The following PTPRD variants were observed in gnomAD, a reference collection of about 807,000 sequenced individuals.
PTPRD encodes receptor-type tyrosine-protein phosphatase delta.
A neutral mutation model predicts 214.5 loss-of-function variants in PTPRD; 34 were observed. The ratio of observed to expected loss-of-function variants is 0.16; its 90% CI spans 0.12 to 0.21. PTPRD has a LOEUF of 0.21. Ranked by LOEUF, PTPRD falls within the 10% of genes least tolerant of loss-of-function variation. The pLI is 1.00. For missense variants in PTPRD, 2,545 were observed against 2,398.7 expected (o/e 1.06, Z -1.27); for synonymous variants, 1,128 against 845.7 (o/e 1.33, Z -5.79).
intron 10 of PTPRD, among the ~76,000 whole-genome samples, chr9:9,127,092 ACT>A (rs1291767274): frequency 6.6e-6 from 1 of 150,876 alleles, no homozygotes; most frequent in African/African-American, 2.4e-5. Context: ...TGCAAAGCAC[ACT>A]CACACACACA....
intron 14 of PTPRD, among the ~76,000 whole-genome samples, chr9:8,566,116 G>C (rs1190454495): frequency 6.6e-6 from 1 of 151,162 alleles, no homozygotes; most frequent in Admixed American, 6.6e-5. Flanking sequence ...GTGTGTGTGT[G>C]TGTGTGTGTG....
At chr9:9,903,790 C>G (rs894711766) in intron 5 of PTPRD, among the ~76,000 whole-genome samples, 1 of 152,046 alleles carries the variant, frequency 6.6e-6, no homozygotes, top group Admixed American at 6.6e-5. Flanking sequence ...AACTCTCTAG[C>G]TTTATCTAAT....
intron 44 of PTPRD, among the ~76,000 whole-genome samples, chr9:8,325,149 G>A (rs993215203): frequency 1.3e-5 from 2 of 149,830 alleles, no homozygotes; most frequent in African/African-American, 4.9e-5. Flanking sequence ...TGCTTTTGGT[G>A]TTTTAGTCCT....
At chr9:9,256,188 T>C (rs952400168) in intron 9 of PTPRD, among the ~76,000 whole-genome samples, 4 of 151,946 alleles carry the variant, frequency 2.6e-5, no homozygotes, top group African/African-American at 9.7e-5. Flanking sequence ...CAATTCCTTT[T>C]CTCCTTGGAC....
intron 11 of PTPRD, among the ~76,000 whole-genome samples, chr9:8,969,077 G>C (rs1037233384): frequency 6.6e-6 from 1 of 151,924 alleles, no homozygotes; most frequent in African/African-American, 2.4e-5. Flanking sequence ...ATAAACAAAA[G>C]GAACCACTCC....
chr9:10,136,202 T>G (rs962618897), intron 3 of PTPRD, among the ~76,000 whole-genome samples: 3 of 152,030 alleles, frequency 2.0e-5, no homozygotes, highest in Non-Finnish European at 2.9e-5. Flanking sequence ...TAAATACATA[T>G]GCAATGCAAC....
intron 3 of PTPRD, among the ~76,000 whole-genome samples, chr9:10,309,927 T>G (rs982958127): frequency 2.6e-5 from 4 of 152,086 alleles, no homozygotes; most frequent in African/African-American, 9.7e-5. Flanking sequence ...ATTCTGTCAC[T>G]TTTCTTTTGT....
intron 3 of PTPRD, among the ~76,000 whole-genome samples, chr9:10,301,757 A>T (rs897863484): frequency 3.9e-5 from 6 of 152,216 alleles, no homozygotes; most frequent in African/African-American, 1.4e-4. Context: ...GACTCCAGGA[A>T]ATATGGGACT....
At chr9:10,006,304 T>G (rs1429230568) in intron 4 of PTPRD, among the ~76,000 whole-genome samples, 1 of 152,074 alleles carries the variant, frequency 6.6e-6, no homozygotes, top group African/African-American at 2.4e-5. Context: ...GACTAGTCTG[T>G]GCAGCTCTAG....
At chr9:9,771,595 C>A (rs189664511) in intron 5 of PTPRD, among the ~76,000 whole-genome samples, 2 of 152,112 alleles carry the variant, frequency 1.3e-5, no homozygotes, top group East Asian at 1.9e-4. Context: ...AAATGTTAAG[C>A]CTTTAAAATA....
At chr9:9,918,158 G>A (rs186631380) in intron 5 of PTPRD, among the ~76,000 whole-genome samples, 1 of 151,908 alleles carries the variant, frequency 6.6e-6, no homozygotes, top group Non-Finnish European at 1.5e-5. Flanking sequence ...AAAATCTAGA[G>A]AGTCTACCAA....
chr9:10,408,730 C>G (rs1177770244), intron 2 of PTPRD, among the ~76,000 whole-genome samples: 1 of 151,696 alleles, frequency 6.6e-6, no homozygotes, highest in Non-Finnish European at 1.5e-5. Flanking sequence ...TGGGTTTAAT[C>G]CTTGACTCCC....
chr9:9,888,176 G>A (rs1183148620), intron 5 of PTPRD, among the ~76,000 whole-genome samples: 1 of 152,128 alleles, frequency 6.6e-6, no homozygotes, highest in Non-Finnish European at 1.5e-5. Context: ...AGCAAATGGT[G>A]GAAAGTGTGA....
At chr9:9,798,114 T>TGGG (rs569864454) in intron 5 of PTPRD, among the ~76,000 whole-genome samples, 48 of 152,234 alleles carry the variant, frequency 3.2e-4, no homozygotes, top group African/African-American at 1.1e-3. Flanking sequence ...CAAGTGATAT[T>TGGG]GGGGGCCCAA....
At chr9:8,713,612 C>T in intron 12 of PTPRD, 1 of 1,532,146 alleles carries the variant, frequency 6.5e-7, no homozygotes. Flanking sequence ...CGGGACCTGA[C>T]CACCGCGGGC....
At chr9:8,703,974 C>G (rs2098144070) in intron 12 of PTPRD, among the ~76,000 whole-genome samples, 1 of 152,180 alleles carries the variant, frequency 6.6e-6, no homozygotes, top group African/African-American at 2.4e-5. Flanking sequence ...TAACACAAAT[C>G]TGGGAGTCAT....
intron 5 of PTPRD, among the ~76,000 whole-genome samples, chr9:9,915,444 TG>T (rs2080450759): frequency 6.7e-6 from 1 of 150,310 alleles, no homozygotes; most frequent in Non-Finnish European, 1.5e-5. Flanking sequence ...TTAAGGAAAC[TG>T]TGAGATATAA....
chr9:10,096,866 C>T (rs184313695), intron 3 of PTPRD, among the ~76,000 whole-genome samples: 1 of 151,676 alleles, frequency 6.6e-6, no homozygotes, highest in Non-Finnish European at 1.5e-5. Context: ...GGTTTTTATG[C>T]TTTTAGGTCT....
chr9:9,773,608 A>G (rs1333990669), intron 5 of PTPRD, among the ~76,000 whole-genome samples: 2 of 152,212 alleles, frequency 1.3e-5, no homozygotes, highest in African/African-American at 2.4e-5. Context: ...ACACTGCTAT[A>G]TTAGAATGAA....
Sources: allele counts gnomAD v4.1 joint callset (sites outside exome capture counted in the v4.1 genomes callset), GRCh38; gene constraint gnomAD v4.1.1; transcripts MANE v1.5; gene names NCBI Gene and HGNC (gene_info 2026-07-23, HGNC 2026-07-21).